BCL9: variants seen among roughly 807,000 people sequenced by gnomAD.
BCL9 encodes B-cell CLL/lymphoma 9 protein.
BCL9 carries 25 observed loss-of-function variants against 88.5 expected under a neutral mutation model. The ratio of observed to expected loss-of-function variants is 0.28; its 90% CI spans 0.21 to 0.39. The LOEUF is 0.39. BCL9 is among the 10% of genes least tolerant of loss of function. The probability of loss-of-function intolerance (pLI) is 1.00; values close to 1 mark genes in which losing one functional copy is unlikely to be tolerated. For missense variants in BCL9, 1,817 were observed against 1,877.8 expected (o/e 0.97, Z 0.60); for synonymous variants, 711 against 673.3 (o/e 1.06, Z -0.87).
At chr1:147,547,288 AGAAT>A (rs1654651034) in intron 1 of BCL9, among the ~76,000 whole-genome samples, 1 of 152,232 alleles carries the variant, frequency 6.6e-6, no homozygotes, top group Non-Finnish European at 1.5e-5. Flanking sequence ...CAGAGGGTAG[AGAAT>A]GAATGATGTT....
At position 147,624,769 on chromosome 1, in the gene BCL9, G is replaced by T. The variant is rs1658846451; in HGVS notation, c.4091G>T (p.Gly1364Val). ...GGCATGATTCCTGGCAAGGATCGGG[G>T]GCCTGCCGGGCTCTACACCCACCCT... The part of the protein sequence containing the change: ...AVGMIPGKDR[G>V]PAGLYTHPGP... Residue 1364 changes from glycine to valine, a missense_variant, in exon 10 of 10, where the codon GGG (glycine) becomes GTG (valine). Physicochemically the swap from Gly to Val is moderately radical, Grantham distance 109 (BLOSUM62 -3). Transcript: ENST00000234739. The surrounding 1 kb of genome is among the most constrained non-coding windows in gnomAD (Gnocchi z 4.4). 2 of 1,612,688 alleles carry T rather than the reference G, an allele frequency of 1.2e-6. No individual in the cohort carries two copies. Among genetic ancestry groups the T allele is most frequent in the African/African-American group, 2.7e-5 (2 of 74,612 alleles).
chr1:147,620,223 A>G lies in BCL9; in HGVS notation c.2068A>G (p.Arg690Gly). 4 of 1,614,074 alleles carry G rather than the reference A, an allele frequency of 2.5e-6. No homozygotes were observed. Among genetic ancestry groups the G allele is most frequent in the African/African-American group, 2.7e-5 (2 of 75,036 alleles). ...AGTTGAGGGCCCTCTGAGTCCTTCT[A>G]GGGGTGACTTTCCAAAAGGAATTCC... ...IPVEGPLSPSRGDFPKGIPPQ... is the reference protein window; with the variant it reads ...IPVEGPLSPSGGDFPKGIPPQ... The change falls in exon 8 of 10, where the codon AGG (arginine) becomes GGG (glycine). Residue 690 changes from arginine to glycine, a missense_variant. Arg to Gly is a moderately radical substitution (Grantham distance 125). This residue lies in a region of BCL9 where 1,228 missense variants were observed against 1,191.6 expected (regional missense o/e 1.03). Transcript: ENST00000234739.
chr1:147,625,181 A>C lies in BCL9; in HGVS notation c.*222A>C, dbSNP rs183042036. 1.6e-3 allele frequency: 893 copies of C among 552,098 alleles called. 2 individuals carry two copies. The highest frequency in any genetic ancestry group is 3.6e-3 in the Middle Eastern group (7 of 1,934). The allele number at this position is 552,098 out of a possible 1,614,324, so 34.2% of individuals were successfully genotyped here. A position where few individuals can be genotyped will look rare whatever the true frequency, so the allele number is the denominator to read the frequency against. On this transcript the variant is annotated 3_prime_UTR_variant, in exon 10 of 10. Coordinates refer to ENST00000234739, the MANE Select transcript of BCL9 (RefSeq NM_004326.4). ...GTGTTTTTTTTAAGATTTATTTTTTAAAAATTATTTTTGTGGACTTGGGTA... is the reference window on the plus strand; with the variant it reads ...GTGTTTTTTTTAAGATTTATTTTTTCAAAATTATTTTTGTGGACTTGGGTA...
In BCL9 at chr1:147,625,199, C is replaced by CTT. The variant is rs1658878529; in HGVS notation, c.*241_*242dup. 1 of 476,088 alleles carries CTT rather than the reference C, an allele frequency of 2.1e-6. No homozygotes were observed. Among genetic ancestry groups the CTT allele is most frequent in the African/African-American group, 1.9e-5 (1 of 51,874 alleles). The allele number at this position is 476,088 out of a possible 1,614,324, so 29.5% of individuals were successfully genotyped here. On this transcript the variant is annotated 3_prime_UTR_variant, in exon 10 of 10. Transcript: ENST00000234739. ...ATTTTTTAAAAATTATTTTTGTGGACTTGGGTATCAATGATGGCACCTACT... is the reference window on the plus strand; with the variant it reads ...ATTTTTTAAAAATTATTTTTGTGGACTTTTGGGTATCAATGATGGCACCTACT...
intron 1 of BCL9, among the ~76,000 whole-genome samples, chr1:147,595,340 A>G (rs1337375814): frequency 6.6e-6 from 1 of 152,244 alleles, no homozygotes; most frequent in Non-Finnish European, 1.5e-5. Context: ...GCAAACCACA[A>G]AGGTGAAATC....
Position 147,625,076 on chromosome 1 carries a change from C to T in BCL9, c.*117C>T, listed in dbSNP as rs925764664. ...GTCATGCAATAGGAGAACAGAGACC[C>T]GAGGGCTGCTTTGGGGGAGGGGGGA... is the stretch of plus-strand genomic sequence containing the variant. On this transcript the variant is annotated 3_prime_UTR_variant, in exon 10 of 10. Coordinates refer to ENST00000234739, the MANE Select transcript of BCL9 (RefSeq NM_004326.4). The T allele has an allele frequency of 2.9e-5, 38 of 1,298,032 alleles. No homozygotes were observed. The highest frequency in any genetic ancestry group is 2.7e-4 in the Middle Eastern group (1 of 3,724). 80.4% of individuals were successfully genotyped at this position (1,298,032 alleles called of 1,614,324 possible).
intron 1 of BCL9, among the ~76,000 whole-genome samples, chr1:147,588,235 T>C (rs1213485840): frequency 2.6e-5 from 4 of 152,142 alleles, no homozygotes; most frequent in African/African-American, 7.2e-5. Flanking sequence ...TTTTTCTGCA[T>C]CCAAGTTCTA....
At chr1:147,573,494 G>A (rs1005276099) in intron 1 of BCL9, among the ~76,000 whole-genome samples, 5 of 152,098 alleles carry the variant, frequency 3.3e-5, no homozygotes, top group Non-Finnish European at 7.4e-5. Context: ...CCTTGAAGAT[G>A]TTTTCTCTAG....
intron 1 of BCL9, among the ~76,000 whole-genome samples, chr1:147,565,542 C>G (rs981367908): frequency 2.6e-5 from 4 of 152,200 alleles, no homozygotes; most frequent in Non-Finnish European, 5.9e-5. Flanking sequence ...GATAGCACAT[C>G]TTTCCACTTC....
chr1:147,602,023 C>T (rs587708882), intron 1 of BCL9, among the ~76,000 whole-genome samples: 39 of 151,662 alleles, frequency 2.6e-4, no homozygotes, highest in African/African-American at 9.2e-4. Flanking sequence ...GCCTCAGCCT[C>T]CCAAGTAGCT....
In BCL9 at chr1:147,619,141, A is replaced by T. The variant is rs1658458803; in HGVS notation, c.986A>T (p.Lys329Ile). Residue 329 changes from lysine (K) to isoleucine (I), a missense_variant, in exon 8 of 10, where the codon AAA becomes ATA. By Grantham distance (102) the Lys-to-Ile change is moderately radical (BLOSUM62 -3). Transcript: ENST00000234739. The surrounding 1 kb of genome is among the most constrained non-coding windows in gnomAD (Gnocchi z 4.1). ...AGCAATAGCTCTTCAGCAGATCCCAAAGCCCCTCCGCCTCCACCAGTGTCC... is the reference window on the plus strand; with the variant it reads ...AGCAATAGCTCTTCAGCAGATCCCATAGCCCCTCCGCCTCCACCAGTGTCC... ...QGSNSSSADP[K>I]APPPPPVSSG... 2 of 1,613,282 alleles carry T rather than the reference A, an allele frequency of 1.2e-6. No homozygotes were observed. Among genetic ancestry groups the T allele is most frequent in the Admixed American group, 3.3e-5 (2 of 59,896 alleles).
At chr1:147,542,541 G>T (rs189705340) in intron 1 of BCL9, among the ~76,000 whole-genome samples, 1 of 152,276 alleles carries the variant, frequency 6.6e-6, no homozygotes, top group Non-Finnish European at 1.5e-5. Context: ...CATTATTCTT[G>T]ATCATCATCA....
intron 1 of BCL9, among the ~76,000 whole-genome samples, chr1:147,588,004 A>G (rs1468971334): frequency 6.6e-6 from 1 of 152,214 alleles, no homozygotes; most frequent in Non-Finnish European, 1.5e-5. Flanking sequence ...TGATATAGTA[A>G]TATGTGCTTC....
At position 147,589,837 on chromosome 1, in the gene BCL9, C is replaced by T. The variant is rs1461433000; in HGVS notation, c.-477-14940C>T. On this transcript the variant is annotated intron_variant, in intron 1 of 9. Coordinates refer to ENST00000234739, the MANE Select transcript of BCL9 (RefSeq NM_004326.4). ...TGTGTAGACATACATTTTTATTTCT[C>T]TTAGATAGACACCTAGAAGTAGAAG... Among the ~76,000 whole-genome samples the T allele has an allele frequency of 2.6e-5, 4 of 152,250 alleles. No homozygotes were observed. The South Asian group carries it at 8.3e-4, about 32-fold the overall frequency.
intron 1 of BCL9, among the ~76,000 whole-genome samples, chr1:147,557,790 T>C (rs76831290): frequency 0.012 from 1,901 of 152,296 alleles, 23 homozygotes; most frequent in East Asian, 0.056. Context: ...ATTTTCCACA[T>C]TGGAAATCTG....
chr1:147,559,719 T>G (rs1460267451), intron 1 of BCL9, among the ~76,000 whole-genome samples: 2 of 152,224 alleles, frequency 1.3e-5, no homozygotes, highest in Non-Finnish European at 2.9e-5. Flanking sequence ...CTCTCTTCCT[T>G]CCTCCTTCAG....
chr1:147,608,144 A>C (rs1553202194), intron 3 of BCL9, among the ~76,000 whole-genome samples: 1 of 152,168 alleles, frequency 6.6e-6, no homozygotes, highest in East Asian at 1.9e-4. Context: ...GAGTAAGATG[A>C]GATTAGCAAA....
chr1:147,620,664 G>A lies in BCL9; in HGVS notation c.2509G>A (p.Val837Ile). Residue 837 changes from valine to isoleucine, a missense_variant, in exon 8 of 10, where the codon GTT (valine) becomes ATT (isoleucine). Val to Ile is a conservative substitution (Grantham distance 29). This residue lies in a region of BCL9 where 1,228 missense variants were observed against 1,191.6 expected (regional missense o/e 1.03). Transcript: ENST00000234739. ...CACCAGCCTCAACACAGCTCCTCCA[G>A]TTCAGCGCGGCCTGGGGCGGAAGCC... ...NPTSLNTAPP[V>I]QRGLGRKPLD... 1 of 1,614,140 alleles carries A rather than the reference G, an allele frequency of 6.2e-7. No homozygotes were observed. Among genetic ancestry groups the A allele is most frequent in the Non-Finnish European group, 8.5e-7 (1 of 1,180,014 alleles).
intron 8 of BCL9, among the ~76,000 whole-genome samples, chr1:147,621,791 A>AAACATCTTGGTTGTG (rs1553205450): frequency 6.6e-6 from 1 of 152,190 alleles, no homozygotes; most frequent in Admixed American, 6.5e-5. Context: ...CAGCCCCCTC[A>AAACATCTTGGTTGTG]GACCTTCTTG....
Sources: allele counts gnomAD v4.1 joint callset (sites outside exome capture counted in the v4.1 genomes callset), GRCh38; gene constraint gnomAD v4.1.1; regional missense constraint gnomAD v4.1.1; non-coding constraint Gnocchi (gnomAD v3.1); transcripts MANE v1.5; gene names NCBI Gene and HGNC (gene_info 2026-07-23, HGNC 2026-07-21).